The following CPVL variants were observed in gnomAD, a reference collection of about 807,000 sequenced individuals.
CPVL encodes carboxypeptidase vitellogenic like.
Under a neutral mutation model 63.7 loss-of-function variants are expected in CPVL, and 51 were observed. The observed-to-expected ratio is 0.80, with a 90% CI of 0.64 to 1.01. The LOEUF (loss-of-function observed/expected upper bound fraction) is 1.01. CPVL is among the 50% of genes least tolerant of loss of function. CPVL has a pLI of 0.00. For missense variants in CPVL, 530 were observed against 573.1 expected, an observed-to-expected ratio of 0.92 and a Z score of 0.77; for synonymous variants, 195 against 206.0, an observed-to-expected ratio of 0.95 and a Z score of 0.46.
intron 11 of CPVL, among the ~76,000 whole-genome samples, chr7:29,038,886 T>C (rs191391948): frequency 6.6e-6 from 1 of 152,322 alleles, no homozygotes; most frequent in East Asian, 1.9e-4. Context: ...GCATGCTCAC[T>C]TGTGTATGTA....
chr7:29,152,096 A>G (rs1211356171), intron 5 of CPVL, among the ~76,000 whole-genome samples: 1 of 152,202 alleles, frequency 6.6e-6, no homozygotes, highest in Non-Finnish European at 1.5e-5. Flanking sequence ...AAAGTGGGTT[A>G]TCTAGAAAAG....
intron 6 of CPVL, among the ~76,000 whole-genome samples, chr7:29,091,280 C>T (rs368749846): frequency 1.3e-5 from 2 of 152,134 alleles, no homozygotes; most frequent in African/African-American, 2.4e-5. Flanking sequence ...AAGACAGAAA[C>T]GGCTTGGCAG....
intron 1 of CPVL, among the ~76,000 whole-genome samples, chr7:29,130,705 C>T (rs17677295): frequency 0.043 from 6,617 of 152,246 alleles, 220 homozygotes; most frequent in South Asian, 0.12. Context: ...TCAAAGTCCA[C>T]GTATTTTCCA....
intron 12 of CPVL, among the ~76,000 whole-genome samples, chr7:29,007,925 G>A (rs1785367595): frequency 6.6e-6 from 1 of 152,154 alleles, no homozygotes; most frequent in Non-Finnish European, 1.5e-5. Context: ...CTGTCCTCAA[G>A]GAACTTAGCA....
Position 29,036,445 on chromosome 7 carries a change from T to C in CPVL, c.1138-5686A>G, listed in dbSNP as rs539520741. Among the ~76,000 whole-genome samples, 10 of 152,282 alleles carry C rather than the reference T, an allele frequency of 6.6e-5. No homozygotes were observed. In the East Asian group the frequency reaches 1.9e-3, roughly 29 times the overall value. ...TTCTTCTAAATAAACCTTCAGAATATAGGGATGGTCTTTCTGTGTCAAATA... is the reference window on the plus strand; with the variant it reads ...TTCTTCTAAATAAACCTTCAGAATACAGGGATGGTCTTTCTGTGTCAAATA... On this transcript the variant is annotated intron_variant, in intron 11 of 12. Transcript: ENST00000265394.
intron 7 of CPVL, 146 bp downstream of exon 7, chr7:29,086,338 G>T: frequency 2.0e-6 from 1 of 504,424 alleles, no homozygotes. Context: ...ATAATTGGGA[G>T]AATTTTGAAT....
chr7:29,137,779 T>G (rs1250627624), intron 1 of CPVL, among the ~76,000 whole-genome samples: 1 of 152,186 alleles, frequency 6.6e-6, no homozygotes, highest in South Asian at 2.1e-4. Flanking sequence ...TGGGAGGTCA[T>G]AGAATTTATA....
intron 1 of CPVL, among the ~76,000 whole-genome samples, chr7:29,188,530 TA>T (rs1248488819): frequency 2.6e-5 from 4 of 152,018 alleles, no homozygotes; most frequent in Non-Finnish European, 1.5e-5. Context: ...CTCCTTTTTT[TA>T]TTTTTTTTTT....
chr7:29,030,684 A>C lies in CPVL; in HGVS notation c.1213T>G (p.Trp405Gly), dbSNP rs745508081. The change falls in exon 12 of 13, where the codon TGG (tryptophan) becomes GGG (glycine). Residue 405 changes from tryptophan (W) to glycine (G), a missense_variant. Transcript: ENST00000265394. Reference sequence around the variant, plus strand: ...TTCTTGTATTCCTGGGATCCTTTCCAGTCCATGCCCATCAAGGAGCGCTCT... The same window carrying C: ...TTCTTGTATTCCTGGGATCCTTTCCCGTCCATGCCCATCAAGGAGCGCTCT... ...LTERSLMGMDWKGSQEYKKAE... is the reference protein window; with the variant it reads ...LTERSLMGMDGKGSQEYKKAE... 1 of 1,613,960 alleles carries C rather than the reference A, an allele frequency of 6.2e-7. No homozygotes were observed.
In CPVL at chr7:29,021,771, C is replaced by T. The variant is rs149473784; in HGVS notation, c.1320+8806G>A. On this transcript the variant is annotated intron_variant, in intron 12 of 12. Transcript: ENST00000265394. ...ACATCCCCTGAGATTCAAGCAGCTA[C>T]GGCATGGTGCCATTTTGAGAGGCCG... Among the ~76,000 whole-genome samples the T allele has an allele frequency of 7.2e-3, 1,092 of 152,000 alleles. 13 individuals are homozygous for T. The highest frequency in any genetic ancestry group is 0.024 in the African/African-American group (1,012 of 41,496).
chr7:29,133,479 T>A (rs917332844), intron 1 of CPVL, among the ~76,000 whole-genome samples: 1 of 152,194 alleles, frequency 6.6e-6, no homozygotes. Context: ...AGTGGTCTCA[T>A]CACTTTAACC....
At chr7:29,036,275 A>C (rs1261901293) in intron 11 of CPVL, among the ~76,000 whole-genome samples, 1 of 152,200 alleles carries the variant, frequency 6.6e-6, no homozygotes, top group East Asian at 1.9e-4. Flanking sequence ...ACTATACAGA[A>C]TTGTAACGAG....
chr7:29,006,928 TAAC>T (rs1785255383), intron 12 of CPVL, among the ~76,000 whole-genome samples: 1 of 151,794 alleles, frequency 6.6e-6, no homozygotes, highest in Non-Finnish European at 1.5e-5. Flanking sequence ...TTTCTTGCTT[TAAC>T]ATCCCCACAA....
chr7:29,077,536 G>T (rs1019140409), intron 7 of CPVL, among the ~76,000 whole-genome samples: 1 of 152,026 alleles, frequency 6.6e-6, no homozygotes, highest in African/African-American at 2.4e-5. Context: ...GGACCCTGAG[G>T]GTCATTCTAA....
chr7:28,994,951 C>T (rs191307904), downstream of CPVL, among the ~76,000 whole-genome samples: 35 of 152,270 alleles, frequency 2.3e-4, no homozygotes, highest in Admixed American at 1.6e-3. Context: ...CAGAAAACTG[C>T]TAATGAATGT....
chr7:29,086,617 G>T, intron 6 of CPVL, 67 bp from the exon 7 acceptor site: 1 of 1,175,762 alleles, frequency 8.5e-7, no homozygotes, highest in Non-Finnish European at 1.3e-6. Flanking sequence ...CTTCATGCTA[G>T]GATATCAAAT....
At chr7:29,195,098 T>C (rs967350270) in exon 1 of CPVL, 3 of 1,243,186 alleles carry the variant, frequency 2.4e-6, no homozygotes, top group Non-Finnish European at 3.3e-6. Flanking sequence ...CCGCCCGCTC[T>C]CTCGGAATGG....
At chr7:29,060,760 C>T (rs317709) in intron 11 of CPVL, among the ~76,000 whole-genome samples, 126,265 of 152,200 alleles carry the variant, frequency 0.83, 53,209 homozygotes, top group African/African-American at 0.96. Flanking sequence ...CCACATTGGC[C>T]AAAATGAACC....
chr7:29,132,451 G>C (rs554230496), intron 1 of CPVL, among the ~76,000 whole-genome samples: 1 of 152,266 alleles, frequency 6.6e-6, no homozygotes, highest in African/African-American at 2.4e-5. Flanking sequence ...TAGGGGTAGG[G>C]TGTCAGGCAG....
Sources: allele counts gnomAD v4.1 joint callset (sites outside exome capture counted in the v4.1 genomes callset), GRCh38; gene constraint gnomAD v4.1.1; transcripts MANE v1.5; gene names NCBI Gene and HGNC (gene_info 2026-07-23, HGNC 2026-07-21).